Variants in IFT57 observed in about 807,000 individuals in gnomAD.
IFT57 encodes intraflagellar transport 57.
IFT57 carries 59 observed loss-of-function variants against 56.8 expected under a neutral mutation model. The ratio of observed to expected loss-of-function variants is 1.04; its 90% CI spans 0.84 to 1.29. The LOEUF is 1.29. Ranked by LOEUF, IFT57 falls within the 50% of genes most tolerant of loss-of-function variation. IFT57 has a pLI of 0.00. For missense variants in IFT57, 470 were observed against 522.1 expected, an observed-to-expected ratio of 0.90 and a Z score of 0.97; for synonymous variants, 209 against 186.1, an observed-to-expected ratio of 1.12 and a Z score of -1.00.
At chr3:108,189,133 A>G (rs2080201090) in intron 6 of IFT57, among the ~76,000 whole-genome samples, 1 of 152,246 alleles carries the variant, frequency 6.6e-6, no homozygotes, top group South Asian at 2.1e-4. Flanking sequence ...ATTTTGCTTA[A>G]TCAGTGAAGA....
chr3:108,178,348 A>G (rs1011457758), intron 6 of IFT57, among the ~76,000 whole-genome samples: 5 of 151,950 alleles, frequency 3.3e-5, no homozygotes, highest in Admixed American at 6.6e-5. Context: ...AAACAGTCTG[A>G]GAATATCTTC....
intron 6 of IFT57, among the ~76,000 whole-genome samples, chr3:108,176,314 A>G (rs1351261460): frequency 6.6e-6 from 1 of 151,878 alleles, no homozygotes; most frequent in Non-Finnish European, 1.5e-5. Context: ...CGTATGAGAA[A>G]GAAATCCTAT....
chr3:108,189,652 T>C (rs1448626896), intron 6 of IFT57, among the ~76,000 whole-genome samples: 1 of 152,214 alleles, frequency 6.6e-6, no homozygotes, highest in Middle Eastern at 3.4e-3. Context: ...ACCACTAGAA[T>C]AGTATTGCCT....
intron 6 of IFT57, among the ~76,000 whole-genome samples, chr3:108,170,744 T>TA (rs2080088183): frequency 6.7e-6 from 1 of 150,118 alleles, no homozygotes; most frequent in Non-Finnish European, 1.5e-5. Flanking sequence ...CTACTTGACT[T>TA]CAAACTATGC....
chr3:108,186,321 C>CAA (rs3053401), intron 6 of IFT57, among the ~76,000 whole-genome samples: 42,652 of 139,946 alleles, frequency 0.3, 7,881 homozygotes, highest in Non-Finnish European at 0.41. Flanking sequence ...GTGGCTATGC[C>CAA]AAAAAAAAAA....
intron 7 of IFT57, among the ~76,000 whole-genome samples, chr3:108,167,511 G>A (rs1234078469): frequency 6.6e-6 from 1 of 151,128 alleles, no homozygotes; most frequent in Admixed American, 6.6e-5. Context: ...TTAAGATTCA[G>A]AGAGGAAAGG....
chr3:108,174,093 A>G (rs2080111092), intron 6 of IFT57, among the ~76,000 whole-genome samples: 1 of 149,932 alleles, frequency 6.7e-6, no homozygotes, highest in East Asian at 2.0e-4. Context: ...CTTCTTTACC[A>G]TTCCAGAATA....
intron 5 of IFT57, among the ~76,000 whole-genome samples, chr3:108,192,468 A>G (rs1429688755): frequency 6.6e-6 from 1 of 152,074 alleles, no homozygotes; most frequent in Non-Finnish European, 1.5e-5. Flanking sequence ...ACAACAAAAA[A>G]GGCCTACTCT....
intron 1 of IFT57, 113 bp from the exon 2 acceptor site, chr3:108,219,685 GC>G: frequency 9.4e-7 from 1 of 1,058,430 alleles, no homozygotes; most frequent in Non-Finnish European, 1.4e-6. Context: ...CCCCCAAATG[GC>G]CATCAAAAGA....
chr3:108,165,785 C>CCA (rs2080059166), intron 8 of IFT57, among the ~76,000 whole-genome samples: 1 of 152,032 alleles, frequency 6.6e-6, no homozygotes, highest in South Asian at 2.1e-4. Flanking sequence ...CATTCCTAAA[C>CCA]AGTTTAGGAG....
At chr3:108,171,616 A>C (rs2080092669) in intron 6 of IFT57, among the ~76,000 whole-genome samples, 1 of 151,768 alleles carries the variant, frequency 6.6e-6, no homozygotes, top group Non-Finnish European at 1.5e-5. Flanking sequence ...AGAGTTGACA[A>C]CGGAACAAGG....
intron 3 of IFT57, 28 bp downstream of exon 3, chr3:108,218,507 T>C (rs764220332): frequency 1.7e-5 from 18 of 1,050,310 alleles, no homozygotes; most frequent in Non-Finnish European, 2.5e-5. Flanking sequence ...CCCATAAAAT[T>C]ACTATCATCA....
intron 6 of IFT57, among the ~76,000 whole-genome samples, chr3:108,179,960 G>A (rs2080143549): frequency 6.6e-6 from 1 of 151,918 alleles, no homozygotes; most frequent in African/African-American, 2.4e-5. Context: ...AGGCAATGTG[G>A]GAATAATCAT....
Position 108,166,949 on chromosome 3 carries a change from T to C in IFT57, c.886A>G (p.Thr296Ala), listed in dbSNP as rs776599071. 6 of 1,610,630 alleles carry C rather than the reference T, an allele frequency of 3.7e-6. No individual in the cohort carries two copies. The highest frequency in any genetic ancestry group is 2.2e-5 in the South Asian group (2 of 90,596). ...TCTCGGCTGCTGATCTTTTCCAAAG[T>C]CCTAGTAATTTCATTATGGAGTTTG... ...LDKLHNEITR[T>A]LEKISSREKY... Residue 296 changes from threonine to alanine, a missense_variant, in exon 8 of 11, where the codon ACT (threonine) becomes GCT (alanine). Coordinates refer to ENST00000264538, the MANE Select transcript of IFT57 (RefSeq NM_018010.4).
Position 108,197,483 on chromosome 3 carries a change from C to G in IFT57, c.655-5840G>C, listed in dbSNP as rs75450727. ...GGGCTCAAACAGTGGGGCACACCAT[C>G]GAAGTCAGTTCAAGAATCAAACATA... is the stretch of plus-strand genomic sequence containing the variant. On this transcript the variant is annotated intron_variant, in intron 5 of 10. Transcript: ENST00000264538. Among the ~76,000 whole-genome samples the G allele has an allele frequency of 7.6e-3, 1,162 of 152,244 alleles. 17 individuals carry two copies. Among genetic ancestry groups the G allele is most frequent in the African/African-American group, 0.024 (1,001 of 41,558 alleles).
chr3:108,167,894 T>TA, intron 6 of IFT57, 30 bp from the exon 7 acceptor site: 5 of 1,461,294 alleles, frequency 3.4e-6, no homozygotes, highest in Admixed American at 2.2e-5. Flanking sequence ...AGAAATAATG[T>TA]AAAAAATACT....
At chr3:108,176,055 C>T (rs926111520) in intron 6 of IFT57, among the ~76,000 whole-genome samples, 4 of 151,814 alleles carry the variant, frequency 2.6e-5, no homozygotes, top group Non-Finnish European at 5.9e-5. Flanking sequence ...CATCAAAAAA[C>T]GTTACTTCTA....
intron 6 of IFT57, among the ~76,000 whole-genome samples, chr3:108,170,794 C>T (rs957331252): frequency 6.6e-6 from 1 of 151,748 alleles, no homozygotes; most frequent in Non-Finnish European, 1.5e-5. Flanking sequence ...ATACTGGTAC[C>T]AAAACAGATA....
chr3:108,188,495 T>G (rs2080196902), intron 6 of IFT57, among the ~76,000 whole-genome samples: 1 of 152,190 alleles, frequency 6.6e-6, no homozygotes, highest in Non-Finnish European at 1.5e-5. Flanking sequence ...AATATGACTT[T>G]GGTCAGTAGT....
Sources: allele counts gnomAD v4.1 joint callset (sites outside exome capture counted in the v4.1 genomes callset), GRCh38; gene constraint gnomAD v4.1.1; transcripts MANE v1.5; gene names NCBI Gene and HGNC (gene_info 2026-07-23, HGNC 2026-07-21).